The following KCNQ1 variants were observed in gnomAD, a reference collection of about 807,000 sequenced individuals.
KCNQ1 encodes the protein potassium voltage-gated channel subfamily Q member 1.
In KCNQ1, 49 loss-of-function variants were observed where a neutral mutation model predicts 72.4. The ratio of observed to expected loss-of-function variants is 0.68; its 90% CI spans 0.54 to 0.86. The LOEUF (loss-of-function observed/expected upper bound fraction) is 0.86. KCNQ1 is among the 40% of genes least tolerant of loss of function. The pLI, the probability that KCNQ1 is intolerant of heterozygous loss-of-function variation, is 0.00. For missense variants in KCNQ1, 790 were observed against 945.1 expected (o/e 0.84, Z 2.15); for synonymous variants, 450 against 412.6 (o/e 1.09, Z -1.10).
chr11:2,756,951 TAAAAAA>T (rs58284663), intron 11 of KCNQ1, among the ~76,000 whole-genome samples: 166 of 50,976 alleles, frequency 3.3e-3, no homozygotes, highest in Middle Eastern at 0.014. Context: ...AAGAGCATCT[TAAAAAA>T]AAAAAAAAAA....
At chr11:2,689,177 CCTT>C in intron 11 of KCNQ1, 1 of 398,830 alleles carries the variant, frequency 2.5e-6, no homozygotes, top group East Asian at 3.6e-5. Flanking sequence ...TGCTCCTCCT[CCTT>C]TTCTGTGCAA....
chr11:2,524,484 CTG>C (rs1184235649), intron 1 of KCNQ1, among the ~76,000 whole-genome samples: 1 of 152,186 alleles, frequency 6.6e-6, no homozygotes, highest in African/African-American at 2.4e-5. Flanking sequence ...TCGTGGGGGT[CTG>C]TGTTACTGTC....
At chr11:2,545,905 T>C (rs1847896867) in intron 2 of KCNQ1, among the ~76,000 whole-genome samples, 1 of 152,214 alleles carries the variant, frequency 6.6e-6, no homozygotes, top group South Asian at 2.1e-4. Context: ...TGCCTCTTTC[T>C]TTGTTAGTGT....
chr11:2,817,961 G>A lies in KCNQ1; in HGVS notation c.1795-29806G>A, dbSNP rs766712453. Among the ~76,000 whole-genome samples, 13 of 152,064 alleles carry A rather than the reference G, an allele frequency of 8.5e-5. No individual in the cohort carries two copies. Among genetic ancestry groups the A allele is most frequent in the East Asian group, 1.9e-4 (1 of 5,186 alleles). The stretch of plus-strand genomic sequence containing the variant: ...GCCTGCAGTGAAAAAAACTAACTTC[G>A]TATAACCCAACTATTCCCAAACTCT... On this transcript the variant is annotated intron_variant, in intron 15 of 15. Coordinates refer to ENST00000155840, the MANE Select transcript of KCNQ1 (RefSeq NM_000218.3). The surrounding 1 kb of genome is among the most constrained non-coding windows in gnomAD (Gnocchi z 6.1).
At chr11:2,805,505 C>T (rs921618203) in intron 15 of KCNQ1, among the ~76,000 whole-genome samples, 3 of 152,232 alleles carry the variant, frequency 2.0e-5, no homozygotes, top group Non-Finnish European at 1.5e-5. Context: ...CTTGGGGCCT[C>T]ATCTGGCCCC....
intron 6 of KCNQ1, among the ~76,000 whole-genome samples, chr11:2,575,975 C>G (rs1051517080): frequency 6.6e-6 from 1 of 152,238 alleles, no homozygotes; most frequent in Non-Finnish European, 1.5e-5. Flanking sequence ...CTGGAGACTC[C>G]AGGCGTGCCC....
chr11:2,486,103 C>T lies in KCNQ1; in HGVS notation c.386+40619C>T, dbSNP rs1387020680. 6.6e-6 allele frequency among the ~76,000 whole-genome samples: 1 copy of T among 152,192 alleles called. No individual in the cohort carries two copies. The highest frequency in any genetic ancestry group is 2.4e-5 in the African/African-American group (1 of 41,440). On this transcript the variant is annotated intron_variant, in intron 1 of 15. Transcript: ENST00000155840. This position sits in a 1 kb window ranked among gnomAD's most constrained non-coding sequence, Gnocchi z 5.0. ...TATATGGTAATTATAGTTTTAATTTCTTGAGGAACCACTATGCCGTTTTCC... is the reference window on the plus strand; with the variant it reads ...TATATGGTAATTATAGTTTTAATTTTTTGAGGAACCACTATGCCGTTTTCC...
chr11:2,682,628 C>A lies in KCNQ1; in HGVS notation c.1514+20547C>A. The A allele has an allele frequency of 2.5e-6, 1 of 398,590 alleles. No individual in the cohort carries two copies. Among genetic ancestry groups the A allele is most frequent in the Non-Finnish European group, 4.4e-6 (1 of 226,104 alleles). The allele number at this position is 398,590 out of a possible 1,614,324, so 24.7% of individuals were successfully genotyped here. A position where few individuals can be genotyped will look rare whatever the true frequency, so the allele number is the denominator to read the frequency against. ...TAAGGCTTGAGAGCTCTTCTTCAGG[C>A]TCAGTCATCCCTGCTTCCCCAGGGC... On this transcript the variant is annotated intron_variant, in intron 11 of 15. Transcript: ENST00000155840. This position sits in a 1 kb window ranked among gnomAD's most constrained non-coding sequence, Gnocchi z 5.8.
chr11:2,570,034 A>G (rs761179809), intron 2 of KCNQ1, among the ~76,000 whole-genome samples: 1 of 152,214 alleles, frequency 6.6e-6, no homozygotes, highest in Non-Finnish European at 1.5e-5. Context: ...CTCAAAGGCC[A>G]GCTGTGAGGC....
intron 1 of KCNQ1, among the ~76,000 whole-genome samples, chr11:2,503,016 C>T (rs926668261): frequency 4.6e-5 from 7 of 152,046 alleles, no homozygotes; most frequent in Non-Finnish European, 1.0e-4. Context: ...CTATCTCTCA[C>T]CATATAAAAA....
Position 2,601,442 on chromosome 11 carries a change from C to A in KCNQ1, c.1393+12588C>A, listed in dbSNP as rs1848805466. Among the ~76,000 whole-genome samples, 1 of 152,182 alleles carries A rather than the reference C, an allele frequency of 6.6e-6. No homozygotes were observed. Among genetic ancestry groups the A allele is most frequent in the Non-Finnish European group, 1.5e-5 (1 of 68,038 alleles). On this transcript the variant is annotated intron_variant, in intron 10 of 15. Transcript: ENST00000155840. The surrounding 1 kb of genome is among the most constrained non-coding windows in gnomAD (Gnocchi z 5.2). ...ATCCCATGCACCCTTTAGTTAGTTT[C>A]CGTCAGTGGTAGCATCTTCTAAAAC... is the stretch of plus-strand genomic sequence containing the variant.
chr11:2,710,656 T>C lies in KCNQ1; in HGVS notation c.1514+48575T>C, dbSNP rs982530747. Among the ~76,000 whole-genome samples, 5 of 152,216 alleles carry C rather than the reference T, an allele frequency of 3.3e-5. No individual in the cohort carries two copies. The highest frequency in any genetic ancestry group is 7.3e-5 in the Non-Finnish European group (5 of 68,040). ...ATCCGCTTTCAGTTAGTTTAACATA[T>C]GGTGTGAGGTAGGGGTCTAACTTTA... On this transcript the variant is annotated intron_variant, in intron 11 of 15. Transcript: ENST00000155840. This position sits in a 1 kb window ranked among gnomAD's most constrained non-coding sequence, Gnocchi z 4.1.
rs1301348951 is a variant in KCNQ1, at chr11:2,473,954, G to C, written c.386+28470G>C. On this transcript the variant is annotated intron_variant, in intron 1 of 15. Coordinates refer to ENST00000155840, the MANE Select transcript of KCNQ1 (RefSeq NM_000218.3). The surrounding 1 kb of genome is among the most constrained non-coding windows in gnomAD (Gnocchi z 6.0). ...AATCCGCAAAATAGGCCTGATGCCAGGAACGGGGCACTGCAGGGCCCTTGG... is the reference window on the plus strand; with the variant it reads ...AATCCGCAAAATAGGCCTGATGCCACGAACGGGGCACTGCAGGGCCCTTGG... Among the ~76,000 whole-genome samples, 3 of 152,270 alleles carry C rather than the reference G, an allele frequency of 2.0e-5. No homozygotes were observed. Among genetic ancestry groups the C allele is most frequent in the Non-Finnish European group, 4.4e-5 (3 of 68,044 alleles).
At chr11:2,512,835 T>C (rs1459052623) in intron 1 of KCNQ1, among the ~76,000 whole-genome samples, 1 of 152,162 alleles carries the variant, frequency 6.6e-6, no homozygotes, top group Non-Finnish European at 1.5e-5. Flanking sequence ...CCGTGGGAGT[T>C]GGCGTGTCCT....
intron 10 of KCNQ1, chr11:2,643,774 C>G (rs990036425): frequency 2.5e-6 from 1 of 398,528 alleles, no homozygotes; most frequent in Non-Finnish European, 4.4e-6. Flanking sequence ...TTTGTAGTGC[C>G]AGTGTAGTGG....
At chr11:2,453,984 G>T (rs370015058) in intron 1 of KCNQ1, among the ~76,000 whole-genome samples, 143 of 152,002 alleles carry the variant, frequency 9.4e-4, no homozygotes, top group Non-Finnish European at 5.6e-4. Context: ...TGGCAAGGGT[G>T]GTCTTGAAAT....
Position 2,738,391 on chromosome 11 carries a change from T to A in KCNQ1, c.1515-30453T>A, listed in dbSNP as rs1845994527. 3.3e-5 allele frequency among the ~76,000 whole-genome samples: 5 copies of A among 152,240 alleles called. No individual in the cohort carries two copies. The South Asian group carries it at 1.0e-3, about 32-fold the overall frequency. The stretch of plus-strand genomic sequence containing the variant: ...ACCAAGCAAGGAAAGAGGCAGAAGA[T>A]CCTTCTTCCAGGCTAAGCGCCATGT... On this transcript the variant is annotated intron_variant, in intron 11 of 15. Transcript: ENST00000155840.
At position 2,746,995 on chromosome 11, in the gene KCNQ1, C is replaced by T. The variant is rs886598456; in HGVS notation, c.1515-21849C>T. ...GCAGGCAGCCTGGGTAATGGGCCACCGCCCCAGGCAGGCGTGGGAATCCAC... is the reference window on the plus strand; with the variant it reads ...GCAGGCAGCCTGGGTAATGGGCCACTGCCCCAGGCAGGCGTGGGAATCCAC... On this transcript the variant is annotated intron_variant, in intron 11 of 15. Coordinates refer to ENST00000155840, the MANE Select transcript of KCNQ1 (RefSeq NM_000218.3). This position sits in a 1 kb window ranked among gnomAD's most constrained non-coding sequence, Gnocchi z 5.9. 1.3e-5 allele frequency among the ~76,000 whole-genome samples: 2 copies of T among 152,202 alleles called. No individual in the cohort carries two copies. The highest frequency in any genetic ancestry group is 4.8e-5 in the African/African-American group (2 of 41,462).
chr11:2,504,963 T>C (rs1847079429), intron 1 of KCNQ1, among the ~76,000 whole-genome samples: 1 of 152,206 alleles, frequency 6.6e-6, no homozygotes, highest in Non-Finnish European at 1.5e-5. Context: ...TCAATTTTTC[T>C]GTTAGTAACG....
Sources: allele counts gnomAD v4.1 joint callset (sites outside exome capture counted in the v4.1 genomes callset), GRCh38; gene constraint gnomAD v4.1.1; non-coding constraint Gnocchi (gnomAD v3.1); transcripts MANE v1.5; gene names NCBI Gene and HGNC (gene_info 2026-07-23, HGNC 2026-07-21).